ASH1L: variants seen among roughly 807,000 people sequenced by gnomAD.
ASH1L encodes the protein ASH1 like histone lysine methyltransferase.
A neutral mutation model predicts 269.0 loss-of-function variants in ASH1L; 23 were observed. The ratio of observed to expected loss-of-function variants is 0.09; its 90% CI spans 0.06 to 0.12. The LOEUF (loss-of-function observed/expected upper bound fraction) is 0.12. ASH1L is among the 10% of genes least tolerant of loss of function. The pLI is 1.00. For synonymous variants in ASH1L, 1,187 were observed against 1,253.5 expected (o/e 0.95, Z 1.12); for missense variants, 2,912 against 3,567.8 (o/e 0.82, Z 4.68).
intron 2 of ASH1L, among the ~76,000 whole-genome samples, chr1:155,499,321 G>A (rs1353442832): frequency 6.6e-6 from 1 of 152,168 alleles, no homozygotes; most frequent in Non-Finnish European, 1.5e-5. Flanking sequence ...AAAGTCTTCA[G>A]GGTCTTTTTA....
At chr1:155,344,116 C>T in intron 22 of ASH1L, 67 bp downstream of exon 22, 1 of 1,369,982 alleles carries the variant, frequency 7.3e-7, no homozygotes, top group Non-Finnish European at 1.0e-6. Flanking sequence ...ATGATGGAGA[C>T]AGCAGAGACT....
At chr1:155,426,309 A>G (rs928930364) in intron 5 of ASH1L, among the ~76,000 whole-genome samples, 1 of 151,932 alleles carries the variant, frequency 6.6e-6, no homozygotes, top group Non-Finnish European at 1.5e-5. Flanking sequence ...AGCTCAAGCA[A>G]TCCACCTGCC....
chr1:155,381,958 G>A (rs1320565923), intron 7 of ASH1L, among the ~76,000 whole-genome samples: 1 of 150,828 alleles, frequency 6.6e-6, no homozygotes, highest in Non-Finnish European at 1.5e-5. Context: ...TGTAATCCCA[G>A]CACTTTGGGA....
intron 2 of ASH1L, among the ~76,000 whole-genome samples, chr1:155,490,036 T>G (rs1241424488): frequency 6.6e-6 from 1 of 151,138 alleles, no homozygotes; most frequent in Non-Finnish European, 1.5e-5. Context: ...TGGTGCCATC[T>G]CGGCTCACTG....
rs1662294150 is a variant in ASH1L, at chr1:155,438,661, C to CT, written c.5493dup (p.Ala1832SerfsTer13). 6.2e-7 allele frequency: 1 copy of CT among 1,614,072 alleles called. No individual in the cohort carries two copies. The highest frequency in any genetic ancestry group is 8.5e-7 in the Non-Finnish European group (1 of 1,180,058). The stretch of plus-strand genomic sequence containing the variant: ...CTGGCCTGCCTTTGAAGTTTTTTGG[C>CT]TTTTAAGATTTTATTGACATGGTCT... On this transcript the variant is annotated frameshift_variant, in exon 5 of 28. Transcript: ENST00000392403. LOFTEE classifies it high-confidence loss of function.
Position 155,343,417 on chromosome 1 carries a change from C to G in ASH1L, c.8190G>C (p.Arg2730=). 6.2e-7 allele frequency: 1 copy of G among 1,614,180 alleles called. No individual in the cohort carries two copies. Among genetic ancestry groups the G allele is most frequent in the Non-Finnish European group, 8.5e-7 (1 of 1,180,042 alleles). Residue 2730 remains arginine, a synonymous_variant, in exon 24 of 28, where the codon CGG becomes CGC. Coordinates refer to ENST00000392403, the MANE Select transcript of ASH1L (RefSeq NM_018489.3). The surrounding 1 kb of genome is among the most constrained non-coding windows in gnomAD (Gnocchi z 6.1). ...PHETHHSPSR[R]FYHNELFRVP... The stretch of plus-strand genomic sequence containing the variant: ...CCCGAAATAGTTCATTATGATAGAA[C>G]CGACGGGATGGAGAGTGGTGTGTTT...
intron 2 of ASH1L, among the ~76,000 whole-genome samples, chr1:155,519,751 T>C (rs1360341494): frequency 2.0e-5 from 3 of 151,956 alleles, no homozygotes; most frequent in African/African-American, 7.2e-5. Flanking sequence ...CTCTGCCTCC[T>C]GGATTCAAGC....
At chr1:155,359,863 G>T (rs1187351973) in intron 13 of ASH1L, among the ~76,000 whole-genome samples, 1 of 150,554 alleles carries the variant, frequency 6.6e-6, no homozygotes, top group Non-Finnish European at 1.5e-5. Context: ...ACAGGAATAA[G>T]CCATTGCGCC....
intron 1 of ASH1L, among the ~76,000 whole-genome samples, chr1:155,553,758 A>G (rs1237651046): frequency 6.6e-6 from 1 of 152,164 alleles, no homozygotes; most frequent in Non-Finnish European, 1.5e-5. Flanking sequence ...TGTATTACAT[A>G]ATATTACTGT....
intron 1 of ASH1L, among the ~76,000 whole-genome samples, chr1:155,552,657 G>A (rs1011928075): frequency 6.6e-6 from 1 of 151,916 alleles, no homozygotes; most frequent in Non-Finnish European, 1.5e-5. Flanking sequence ...AAAAGAAAAA[G>A]CCAAACACGA....
intron 7 of ASH1L, among the ~76,000 whole-genome samples, chr1:155,386,463 T>C (rs751192329): frequency 3.3e-5 from 5 of 152,022 alleles, no homozygotes; most frequent in African/African-American, 4.8e-5. Context: ...TCTCAGCTCA[T>C]TGCAACCTCT....
intron 6 of ASH1L, among the ~76,000 whole-genome samples, chr1:155,397,882 A>G (rs1658499675): frequency 2.0e-5 from 3 of 152,156 alleles, no homozygotes; most frequent in African/African-American, 7.2e-5. Context: ...ATAATTCATA[A>G]AACAGGTAAT....
chr1:155,485,851 A>T (rs1407927703), intron 2 of ASH1L, among the ~76,000 whole-genome samples: 1 of 152,114 alleles, frequency 6.6e-6, no homozygotes, highest in African/African-American at 2.4e-5. Context: ...TTAGACAAGA[A>T]ATATAAAAGA....
chr1:155,458,353 C>T (rs919450274), intron 4 of ASH1L, among the ~76,000 whole-genome samples: 1 of 152,130 alleles, frequency 6.6e-6, no homozygotes, highest in Non-Finnish European at 1.5e-5. Flanking sequence ...TTTACGTTTC[C>T]ACAACTTCCA....
At chr1:155,553,274 T>C (rs1242656457) in intron 1 of ASH1L, among the ~76,000 whole-genome samples, 4 of 152,204 alleles carry the variant, frequency 2.6e-5, no homozygotes, top group African/African-American at 9.7e-5. Context: ...GAATGCTGAG[T>C]GGGTTACATT....
chr1:155,515,743 G>A (rs1668457317), intron 2 of ASH1L, among the ~76,000 whole-genome samples: 1 of 150,180 alleles, frequency 6.7e-6, no homozygotes, highest in African/African-American at 2.5e-5. Flanking sequence ...CAAGAGAATT[G>A]CCTTAACCCA....
Position 155,349,347 on chromosome 1 carries a change from T to G in ASH1L, c.7534A>C (p.Lys2512Gln). Residue 2512 changes from lysine to glutamine, a missense_variant, in exon 19 of 28, where the codon AAA becomes CAA. Coordinates refer to ENST00000392403, the MANE Select transcript of ASH1L (RefSeq NM_018489.3). ...TVEAFDADML[K>Q]VFRNAEKYYG... ...AATACCTCAGCATTCCGAAAGACTTTGAGCATGTCAGCATCAAAAGCTTCC... is the reference window on the plus strand; with the variant it reads ...AATACCTCAGCATTCCGAAAGACTTGGAGCATGTCAGCATCAAAAGCTTCC... 3 of 1,613,202 alleles carry G rather than the reference T, an allele frequency of 1.9e-6. No homozygotes were observed. Among genetic ancestry groups the G allele is most frequent in the Non-Finnish European group, 2.5e-6 (3 of 1,179,396 alleles).
In ASH1L at chr1:155,383,630, G is replaced by A. The variant is rs909730276; in HGVS notation, c.6104-3514C>T. ...GCATTTCTCAGAATGTATCCTCATC[G>A]TTAAGCAACACATGATGGTACTACA... On this transcript the variant is annotated intron_variant, in intron 7 of 27. Transcript: ENST00000392403. Among the ~76,000 whole-genome samples, 4 of 152,108 alleles carry A rather than the reference G, an allele frequency of 2.6e-5. No homozygotes were observed. The South Asian group carries it at 6.2e-4, about 24-fold the overall frequency.
intron 8 of ASH1L, 24 bp downstream of exon 8, chr1:155,380,019 C>A: frequency 6.4e-7 from 1 of 1,555,138 alleles, no homozygotes; most frequent in Non-Finnish European, 8.9e-7. Context: ...AAGAATGAAA[C>A]CTGGTAAAAC....
Sources: gnomAD v4.1 joint callset for allele counts (sites outside exome capture counted in the v4.1 genomes callset) on GRCh38, gnomAD v4.1.1 for gene constraint, Gnocchi (gnomAD v3.1) non-coding constraint, MANE v1.5 for transcripts, NCBI Gene and HGNC (gene_info 2026-07-23, HGNC 2026-07-21) for gene names.